PSAP: variants seen among roughly 807,000 people sequenced by gnomAD.
PSAP encodes prosaposin.
In PSAP, 25 loss-of-function variants were observed where a neutral mutation model predicts 66.0. That is an observed-to-expected ratio of 0.38 (90% CI 0.28 to 0.53). The LOEUF (loss-of-function observed/expected upper bound fraction) is 0.53. Ranked by LOEUF, PSAP falls within the 20% of genes least tolerant of loss-of-function variation. The pLI is 0.83. For missense variants in PSAP, 649 were observed against 668.8 expected (o/e 0.97, Z 0.33); for synonymous variants, 273 against 258.9 (o/e 1.05, Z -0.52).
intron 6 of PSAP, 99 bp downstream of exon 6, chr10:71,827,915 G>A (rs951840086): frequency 1.3e-6 from 2 of 1,523,368 alleles, no homozygotes; most frequent in Admixed American, 1.9e-5. Flanking sequence ...TGCTTTCTGG[G>A]AAAAAAGAGA....
chr10:71,816,994 G>T lies in PSAP; in HGVS notation c.*447C>A. 1 of 232,880 alleles carries T rather than the reference G, an allele frequency of 4.3e-6. No homozygotes were observed. 14.4% of individuals were successfully genotyped at this position (232,880 alleles called of 1,614,324 possible). Reference sequence around the variant, plus strand: ...CTTTGTTTTGCTGCTTTGTTCAACTGAGAGGCCCAGGAAAGCGGGGAGGGT... The same window carrying T: ...CTTTGTTTTGCTGCTTTGTTCAACTTAGAGGCCCAGGAAAGCGGGGAGGGT... On this transcript the variant is annotated 3_prime_UTR_variant, in exon 14 of 14. Coordinates refer to ENST00000394936, the MANE Select transcript of PSAP (RefSeq NM_002778.4).
At chr10:71,844,359 C>CT (rs1200523774) in intron 1 of PSAP, among the ~76,000 whole-genome samples, 2 of 152,180 alleles carry the variant, frequency 1.3e-5, no homozygotes, top group Non-Finnish European at 2.9e-5. Context: ...ATCTAAATGT[C>CT]TATCACTAGA....
chr10:71,850,977 G>T (rs1484359534), intron 1 of PSAP, among the ~76,000 whole-genome samples: 2 of 152,182 alleles, frequency 1.3e-5, no homozygotes, highest in African/African-American at 2.4e-5. Context: ...CCGTCCTCCC[G>T]GGGGCATTTT....
At chr10:71,821,532 G>A (rs1409289549) in intron 8 of PSAP, among the ~76,000 whole-genome samples, 3 of 152,150 alleles carry the variant, frequency 2.0e-5, no homozygotes, top group African/African-American at 4.8e-5. Flanking sequence ...AGTCTGTCAG[G>A]GCCACAGGAT....
At chr10:71,839,841 G>C (rs550678684) in intron 1 of PSAP, among the ~76,000 whole-genome samples, 1 of 152,108 alleles carries the variant, frequency 6.6e-6, no homozygotes, top group South Asian at 2.1e-4. Flanking sequence ...GCGACAGAGC[G>C]AGACTCCATC....
At chr10:71,849,108 AG>A (rs1842878015) in intron 1 of PSAP, among the ~76,000 whole-genome samples, 1 of 152,214 alleles carries the variant, frequency 6.6e-6, no homozygotes, top group Non-Finnish European at 1.5e-5. Context: ...TAATGTAAAA[AG>A]AAAGAAAAAA....
At chr10:71,819,292 T>A in intron 11 of PSAP, 173 bp downstream of exon 11, 1 of 1,098,936 alleles carries the variant, frequency 9.1e-7, no homozygotes, top group Non-Finnish European at 1.3e-6. Flanking sequence ...CTACTTCAGG[T>A]TGCTTCCCCC....
chr10:71,834,268 C>T (rs1842578027), intron 2 of PSAP, 104 bp downstream of exon 2: 3 of 1,573,904 alleles, frequency 1.9e-6, no homozygotes, highest in Non-Finnish European at 2.6e-6. Flanking sequence ...GTAAACAAAA[C>T]AAGGCAAGAA....
chr10:71,828,150 C>G lies in PSAP; in HGVS notation c.584G>C (p.Gly195Ala). ...CTGAATGCAGTCCTGGCAAACGTCC[C>G]CATTATCCTACAGAAGAGGCAGTTA... Reference protein sequence around the residue: ...PRSKPQPKDNGDVCQDCIQMV... With the variant: ...PRSKPQPKDNADVCQDCIQMV... Residue 195 changes from glycine (G) to alanine (A), a missense_variant, in exon 6 of 14, where the codon GGG (glycine) becomes GCG (alanine). Gly to Ala is a moderately conservative substitution (Grantham distance 60). Coordinates refer to ENST00000394936, the MANE Select transcript of PSAP (RefSeq NM_002778.4). 1 of 1,614,130 alleles carries G rather than the reference C, an allele frequency of 6.2e-7. No individual in the cohort carries two copies.
intron 1 of PSAP, among the ~76,000 whole-genome samples, chr10:71,841,189 C>T (rs1345146079): frequency 2.0e-5 from 3 of 152,212 alleles, no homozygotes; most frequent in African/African-American, 7.2e-5. Flanking sequence ...CATGCTGCAC[C>T]GCAGTTGGCA....
chr10:71,819,759 T>C lies in PSAP; in HGVS notation c.1147A>G (p.Ser383Gly). The C allele has an allele frequency of 6.2e-7, 1 of 1,614,056 alleles. No individual in the cohort carries two copies. Among genetic ancestry groups the C allele is most frequent in the Non-Finnish European group, 8.5e-7 (1 of 1,180,016 alleles). Residue 383 changes from serine (S) to glycine (G), a missense_variant, in exon 10 of 14, where the codon AGC becomes GGC. Ser to Gly is a moderately conservative substitution (Grantham distance 56). Transcript: ENST00000394936. ...GTGCCAGAGCAGAGGTGCAGCATGC[T>C]GCACACCAGCTCAGGGCTGACCTCC... The part of the protein sequence containing the change: ...LEEVSPELVC[S>G]MLHLCSGTRL...
chr10:71,817,226 CAG>C lies in PSAP; in HGVS notation c.*213_*214del. ...CTCCAGTGCATCAACATCCATCTAG[CAG>C]AGAGAAAAGGGGCACTGAAGCAGCT... On this transcript the variant is annotated 3_prime_UTR_variant, in exon 14 of 14. Coordinates refer to ENST00000394936, the MANE Select transcript of PSAP (RefSeq NM_002778.4). 1 of 658,884 alleles carries C rather than the reference CAG, an allele frequency of 1.5e-6. No homozygotes were observed. The highest frequency in any genetic ancestry group is 1.7e-5 in the South Asian group (1 of 58,168). The allele number at this position is 658,884 out of a possible 1,614,324, so 40.8% of individuals were successfully genotyped here.
At chr10:71,822,105 G>A in intron 7 of PSAP, 98 bp from the exon 8 acceptor site, 1 of 1,556,672 alleles carries the variant, frequency 6.4e-7, no homozygotes, top group Non-Finnish European at 8.8e-7. Context: ...CAGCACCCTG[G>A]GCCCAGGTCA....
rs1160981159 is a variant in PSAP, at chr10:71,820,350, G to C, written c.910-15C>G. ...ACCTCGTGCTTCTGTGGAAAGAGTA[G>C]AAGGAGAGTACTTTCAATGCTGGGA... On this transcript the variant is annotated splice_polypyrimidine_tract_variant and intron_variant, in intron 8 of 13. Coordinates refer to ENST00000394936, the MANE Select transcript of PSAP (RefSeq NM_002778.4). 1.2e-6 allele frequency: 2 copies of C among 1,602,536 alleles called. No individual in the cohort carries two copies. Among genetic ancestry groups the C allele is most frequent in the African/African-American group, 1.3e-5 (1 of 74,630 alleles).
rs2133053132 is a variant in PSAP, at chr10:71,834,519, C to A, written c.41-14G>T. 1 of 1,613,260 alleles carries A rather than the reference C, an allele frequency of 6.2e-7. No homozygotes were observed. Among genetic ancestry groups the A allele is most frequent in the East Asian group, 2.2e-5 (1 of 44,842 alleles). On this transcript the variant is annotated splice_polypyrimidine_tract_variant and intron_variant, in intron 1 of 13. Transcript: ENST00000394936. Reference sequence around the variant, plus strand: ...GGCCGGCTAGAGCTAAAATGAAAACCAACGTGAGGAGGTGGCCCATTTTGT... The same window carrying A: ...GGCCGGCTAGAGCTAAAATGAAAACAAACGTGAGGAGGTGGCCCATTTTGT...
rs768560230 is a variant in PSAP, at chr10:71,818,678, T to A, written c.1478A>T (p.Glu493Val). 6.2e-7 allele frequency: 1 copy of A among 1,614,182 alleles called. No individual in the cohort carries two copies. The highest frequency in any genetic ancestry group is 1.3e-5 in the African/African-American group (1 of 75,042). Reference protein sequence around the residue: ...PSAHKPLLGTEKCIWGPSYWC... With the variant: ...PSAHKPLLGTVKCIWGPSYWC... ...GTAGCTTGGGCCCCATATACACTTC[T>A]CAGTTCCCAACAAGGGCTTATGGGC... The change falls in exon 13 of 14, where the codon GAG (glutamate) becomes GTG (valine). Residue 493 changes from glutamate (E) to valine (V), a missense_variant. Physicochemically the swap from Glu to Val is moderately radical, Grantham distance 121 (BLOSUM62 -2). Transcript: ENST00000394936.
chr10:71,837,233 T>G (rs1194571325), intron 1 of PSAP, among the ~76,000 whole-genome samples: 1 of 152,204 alleles, frequency 6.6e-6, no homozygotes, highest in Non-Finnish European at 1.5e-5. Flanking sequence ...AAAAACAGCC[T>G]GTGGTATGCA....
rs145609227 is a variant in PSAP, at chr10:71,828,727, C to T, written c.576+150G>A. The T allele has an allele frequency of 5.0e-4, 383 of 770,424 alleles. No homozygotes were observed. The African/African-American group carries it at 6.0e-3, about 12-fold the overall frequency. The allele number at this position is 770,424 out of a possible 1,614,324, so 47.7% of individuals were successfully genotyped here. On this transcript the variant is annotated intron_variant, in intron 5 of 13. Coordinates refer to ENST00000394936, the MANE Select transcript of PSAP (RefSeq NM_002778.4). ...CCCATTCTTTAGAAACTTCATGGTACAACCATTTAAAGGCTGGCTCATGTG... is the reference window on the plus strand; with the variant it reads ...CCCATTCTTTAGAAACTTCATGGTATAACCATTTAAAGGCTGGCTCATGTG...
chr10:71,819,677 G>A (rs764584867), intron 10 of PSAP, 37 bp downstream of exon 10: 23 of 1,613,866 alleles, frequency 1.4e-5, no homozygotes, highest in Admixed American at 5.0e-5. Flanking sequence ...GACCCAAGAG[G>A]GGCACCATCC....
Sources: allele counts gnomAD v4.1 joint callset (sites outside exome capture counted in the v4.1 genomes callset), GRCh38; gene constraint gnomAD v4.1.1; transcripts MANE v1.5; gene names NCBI Gene and HGNC (gene_info 2026-07-23, HGNC 2026-07-21).